Variants in ASXL2 observed in about 807,000 individuals in gnomAD.
ASXL2 encodes the protein ASXL transcriptional regulator 2.
In ASXL2, 23 loss-of-function variants were observed where a neutral mutation model predicts 122.0. The observed-to-expected ratio is 0.19, with a 90% CI of 0.14 to 0.27. ASXL2 has a LOEUF of 0.27. Among genes scored for constraint, ASXL2 ranks in the 10% least tolerant of loss-of-function variants. The probability of loss-of-function intolerance (pLI) is 1.00; values close to 1 mark genes in which losing one functional copy is unlikely to be tolerated. For synonymous variants in ASXL2, 650 were observed against 637.0 expected (o/e 1.02, Z -0.31); for missense variants, 1,518 against 1,713.8 (o/e 0.89, Z 2.02).
chr2:25,762,313 CAAAA>C (rs35610577), intron 8 of ASXL2, among the ~76,000 whole-genome samples: 2 of 107,392 alleles, frequency 1.9e-5, no homozygotes, highest in Non-Finnish European at 1.9e-5. Flanking sequence ...ATGAACACAC[CAAAA>C]AAAAAAAAAA....
chr2:25,740,512 C>A lies in ASXL2; in HGVS notation c.*1517G>T. The stretch of plus-strand genomic sequence containing the variant: ...AATATGCAAATGATGCAAATTGACA[C>A]TCCCCCATTTAATACAAAATTCTGT... On this transcript the variant is annotated 3_prime_UTR_variant, in exon 13 of 13. Coordinates refer to ENST00000435504, the MANE Select transcript of ASXL2 (RefSeq NM_018263.6). 4.4e-6 allele frequency: 1 copy of A among 228,762 alleles called. No individual in the cohort carries two copies. The highest frequency in any genetic ancestry group is 8.7e-6 in the Non-Finnish European group (1 of 115,340). The allele number at this position is 228,762 out of a possible 1,614,324, so 14.2% of individuals were successfully genotyped here. A position where few individuals can be genotyped will look rare whatever the true frequency, so the allele number is the denominator to read the frequency against.
At position 25,734,929 on chromosome 2, in the gene ASXL2, A is replaced by C. The variant is rs1383879901; in HGVS notation, c.*7100T>G. ...AGCTACTTAATTCAAAGTTTACTTAAATCCATTTAAAACCAAATTCCAGGT... is the reference window on the plus strand; with the variant it reads ...AGCTACTTAATTCAAAGTTTACTTACATCCATTTAAAACCAAATTCCAGGT... On this transcript the variant is annotated 3_prime_UTR_variant, in exon 13 of 13. Transcript: ENST00000435504. 2 of 152,252 alleles carry C rather than the reference A, an allele frequency of 1.3e-5. No homozygotes were observed. Among genetic ancestry groups the C allele is most frequent in the East Asian group, 3.8e-4 (2 of 5,206 alleles). The allele number at this position is 152,252 out of a possible 1,614,324, so 9.4% of individuals were successfully genotyped here.
intron 4 of ASXL2, among the ~76,000 whole-genome samples, chr2:25,801,052 G>T (rs2088990812): frequency 6.6e-6 from 1 of 152,054 alleles, no homozygotes; most frequent in African/African-American, 2.4e-5. Context: ...TCAGCCTCTG[G>T]AGCAGCTGGG....
intron 3 of ASXL2, chr2:25,822,398 G>A: frequency 4.2e-6 from 1 of 237,554 alleles, no homozygotes; most frequent in Admixed American, 5.1e-5. Flanking sequence ...CCGGAGAGAA[G>A]TCGACTCCCT....
intron 1 of ASXL2, among the ~76,000 whole-genome samples, chr2:25,872,344 C>T (rs1050423003): frequency 5.9e-5 from 9 of 151,740 alleles, no homozygotes; most frequent in East Asian, 1.9e-4. Flanking sequence ...ATCGCACCAC[C>T]GCACTCCAGT....
intron 3 of ASXL2, among the ~76,000 whole-genome samples, chr2:25,808,701 T>C (rs2089120486): frequency 6.6e-6 from 1 of 152,232 alleles, no homozygotes; most frequent in Non-Finnish European, 1.5e-5. Context: ...GAGAGACCTG[T>C]TCTTTATTTC....
At chr2:25,810,270 A>G (rs1030679295) in intron 3 of ASXL2, 18 of 630,658 alleles carry the variant, frequency 2.9e-5, no homozygotes, top group Non-Finnish European at 5.1e-5. Context: ...AATGACCACC[A>G]ACTTACGAGC....
intron 3 of ASXL2, among the ~76,000 whole-genome samples, chr2:25,833,044 G>C (rs948841709): frequency 2.6e-5 from 4 of 152,194 alleles, no homozygotes; most frequent in African/African-American, 9.6e-5. Flanking sequence ...TACTAGGGAA[G>C]TACATGTGGT....
chr2:25,868,111 C>T (rs922439501), intron 1 of ASXL2, among the ~76,000 whole-genome samples: 2 of 152,192 alleles, frequency 1.3e-5, no homozygotes, highest in South Asian at 2.1e-4. Context: ...TGGTTACATC[C>T]ATTTCTTAAA....
intron 1 of ASXL2, among the ~76,000 whole-genome samples, chr2:25,852,911 T>C (rs1409962899): frequency 2.0e-5 from 3 of 152,172 alleles, no homozygotes; most frequent in Admixed American, 6.5e-5. Flanking sequence ...AGAAATCAGA[T>C]GTGAGGGGAT....
chr2:25,757,674 C>CAAAAAAAAAAAA (rs60732948), intron 9 of ASXL2, among the ~76,000 whole-genome samples: 15 of 35,832 alleles, frequency 4.2e-4, no homozygotes, highest in African/African-American at 9.8e-4. Context: ...GACTCCATCT[C>CAAAAAAAAAAAA]AAAAAAAAAA....
intron 3 of ASXL2, among the ~76,000 whole-genome samples, chr2:25,835,263 C>T (rs771792609): frequency 2.0e-5 from 3 of 152,166 alleles, no homozygotes; most frequent in South Asian, 2.1e-4. Flanking sequence ...GGCATCCCAA[C>T]GCTTTTATAA....
rs2087737219 is a variant in ASXL2 at position 25,736,499 on chromosome 2, T to C, written c.*5530A>G. The C allele has an allele frequency of 6.6e-6, 1 of 152,226 alleles. No homozygotes were observed. Among genetic ancestry groups the C allele is most frequent in the Non-Finnish European group, 1.5e-5 (1 of 68,040 alleles). 9.4% of individuals were successfully genotyped at this position (152,226 alleles called of 1,614,324 possible). A position where few individuals can be genotyped will look rare whatever the true frequency, so the allele number is the denominator to read the frequency against. On this transcript the variant is annotated 3_prime_UTR_variant, in exon 13 of 13. Transcript: ENST00000435504. Reference sequence around the variant, plus strand: ...TAATGTCCCCTGAGACTTAAGAAGCTTCCTTTAGAAACAGCACATTTTCAG... The same window carrying C: ...TAATGTCCCCTGAGACTTAAGAAGCCTCCTTTAGAAACAGCACATTTTCAG...
chr2:25,805,423 T>C (rs962681258), intron 4 of ASXL2, among the ~76,000 whole-genome samples: 1 of 152,186 alleles, frequency 6.6e-6, no homozygotes, highest in Non-Finnish European at 1.5e-5. Flanking sequence ...TATAATAGTC[T>C]ATAGAAAAAT....
chr2:25,743,373 C>T lies in ASXL2; in HGVS notation c.2964G>A (p.Arg988=). The change falls in exon 13 of 13, where the codon AGG becomes AGA. Residue 988 remains arginine (R), a synonymous_variant. Coordinates refer to ENST00000435504, the MANE Select transcript of ASXL2 (RefSeq NM_018263.6). The stretch of plus-strand genomic sequence containing the variant: ...TGGTAGCTATGAGCGCTCCCATCCC[C>T]CTTTCCTCTTTTGCAGTCAGTGGAA... ...KTVPLTAKEE[R]GMGALIATNT... The T allele has an allele frequency of 1.2e-6, 2 of 1,613,900 alleles. No homozygotes were observed. The highest frequency in any genetic ancestry group is 8.5e-7 in the Non-Finnish European group (1 of 1,179,896).
intron 5 of ASXL2, among the ~76,000 whole-genome samples, chr2:25,781,274 C>T (rs1574413160): frequency 6.6e-6 from 1 of 152,010 alleles, no homozygotes; most frequent in Non-Finnish European, 1.5e-5. Flanking sequence ...TGGCTCACGC[C>T]TGTAATCCCA....
At chr2:25,849,041 G>A (rs1252229170) in intron 1 of ASXL2, among the ~76,000 whole-genome samples, 1 of 34,308 alleles carries the variant, frequency 2.9e-5, no homozygotes, top group Admixed American at 4.5e-4. Context: ...GCGAAACTCC[G>A]TCTCAAAAAA....
chr2:25,817,144 G>A (rs952112903), intron 3 of ASXL2, among the ~76,000 whole-genome samples: 4 of 152,016 alleles, frequency 2.6e-5, no homozygotes, highest in African/African-American at 4.8e-5. Flanking sequence ...TCTTAAGCCC[G>A]CAAGAACTCA....
rs376428946 is a variant in ASXL2 at position 25,768,847 on chromosome 2, T to G, written c.526A>C (p.Lys176Gln). Residue 176 changes from lysine to glutamine, a missense_variant, in exon 7 of 13, where the codon AAG (lysine) becomes CAG (glutamine). This residue lies in a region of ASXL2 where 198 missense variants were observed against 209.0 expected (regional missense o/e 0.95). Coordinates refer to ENST00000435504, the MANE Select transcript of ASXL2 (RefSeq NM_018263.6). ...GGCCTGCATTGCTGCTGCTGCTTCT[T>G]CTGCTGTTGCTGCTTTAGCGCCTAT... is the stretch of plus-strand genomic sequence containing the variant. ...LKQALKQQQQKKQQQQCRPSI... is the reference protein window; with the variant it reads ...LKQALKQQQQQKQQQQCRPSI... 9.3e-6 allele frequency: 15 copies of G among 1,613,730 alleles called. No individual in the cohort carries two copies. Among genetic ancestry groups the G allele is most frequent in the Non-Finnish European group, 1.3e-5 (15 of 1,179,686 alleles).
Sources: gnomAD v4.1 joint callset for allele counts (sites outside exome capture counted in the v4.1 genomes callset) on GRCh38, gnomAD v4.1.1 for gene constraint, gnomAD v4.1.1 regional missense constraint, MANE v1.5 for transcripts, NCBI Gene and HGNC (gene_info 2026-07-23, HGNC 2026-07-21) for gene names.